Variants in ADGRB3 observed in about 807,000 individuals in gnomAD.
ADGRB3 encodes the protein brain-specific angiogenesis inhibitor 3.
In ADGRB3, 37 loss-of-function variants were observed where a neutral mutation model predicts 193.4. That is an observed-to-expected ratio of 0.19 (90% CI 0.15 to 0.25). ADGRB3 has a LOEUF of 0.25. Ranked by LOEUF, ADGRB3 falls within the 10% of genes least tolerant of loss-of-function variation. The pLI is 1.00. For synonymous variants in ADGRB3, 690 were observed against 644.2 expected, an observed-to-expected ratio of 1.07 and a Z score of -1.08; for missense variants, 1,637 against 1,852.9, an observed-to-expected ratio of 0.88 and a Z score of 2.14.
chr6:69,184,237 C>A (rs922735211), intron 17 of ADGRB3, among the ~76,000 whole-genome samples: 1 of 151,980 alleles, frequency 6.6e-6, no homozygotes, highest in Admixed American at 6.6e-5. Context: ...AAAAGTGTCC[C>A]CATCAGCTGG....
At chr6:69,005,916 A>G (rs1298683345) in intron 11 of ADGRB3, among the ~76,000 whole-genome samples, 1 of 152,172 alleles carries the variant, frequency 6.6e-6, no homozygotes, top group Non-Finnish European at 1.5e-5. Context: ...GTATTATAAT[A>G]TTCTGCCTTT....
intron 17 of ADGRB3, among the ~76,000 whole-genome samples, chr6:69,182,832 A>G (rs779488): frequency 0.36 from 54,884 of 151,924 alleles, 11,410 homozygotes; most frequent in African/African-American, 0.57. Flanking sequence ...GGCTATCATC[A>G]TAACATTGCT....
rs142757462 is a variant in ADGRB3 at position 68,880,086 on chromosome 6, G to A, written c.758-50473G>A. Among the ~76,000 whole-genome samples the A allele has an allele frequency of 1.9e-3, 289 of 152,238 alleles. 1 individual carries two copies. The highest frequency in any genetic ancestry group is 6.8e-3 in the Middle Eastern group (2 of 294). ...AGCGAGACATGGTCAGATTGCTTGC[G>A]AATTGTTTAAAGTGGAGAGATTACT... is the stretch of plus-strand genomic sequence containing the variant. On this transcript the variant is annotated intron_variant, in intron 3 of 31. Coordinates refer to ENST00000370598, the MANE Select transcript of ADGRB3 (RefSeq NM_001704.3).
intron 20 of ADGRB3, among the ~76,000 whole-genome samples, chr6:69,249,775 A>G (rs1371252820): frequency 6.6e-6 from 1 of 152,224 alleles, no homozygotes; most frequent in Middle Eastern, 3.2e-3. Flanking sequence ...AAAAAAAATA[A>G]GCAGATTAAA....
chr6:68,740,885 G>C (rs1221661104), intron 3 of ADGRB3, among the ~76,000 whole-genome samples: 2 of 152,134 alleles, frequency 1.3e-5, no homozygotes, highest in African/African-American at 4.8e-5. Flanking sequence ...CTGGAACATA[G>C]TTAAGTGTTG....
intron 16 of ADGRB3, among the ~76,000 whole-genome samples, chr6:69,064,793 G>T (rs1771852392): frequency 6.6e-6 from 1 of 151,948 alleles, no homozygotes; most frequent in Non-Finnish European, 1.5e-5. Flanking sequence ...TAAAGGACAT[G>T]TTAAAGGAAG....
chr6:68,891,878 G>A (rs187905636), intron 3 of ADGRB3, among the ~76,000 whole-genome samples: 460 of 152,256 alleles, frequency 3.0e-3, no homozygotes, highest in Non-Finnish European at 4.7e-3. Flanking sequence ...CCAGCTGGTA[G>A]TTACTGCAGA....
chr6:69,314,792 G>A (rs1410647725), intron 20 of ADGRB3, among the ~76,000 whole-genome samples: 17 of 151,484 alleles, frequency 1.1e-4, no homozygotes, highest in Non-Finnish European at 5.9e-5. Context: ...GAGGTTAGGT[G>A]AAGTGATAAT....
At chr6:68,909,473 A>G (rs1766639084) in intron 3 of ADGRB3, among the ~76,000 whole-genome samples, 1 of 152,198 alleles carries the variant, frequency 6.6e-6, no homozygotes, top group African/African-American at 2.4e-5. Flanking sequence ...AAGAAATAAA[A>G]AGGTTTATTC....
chr6:68,655,173 A>G (rs1768462189), intron 3 of ADGRB3, among the ~76,000 whole-genome samples: 1 of 151,298 alleles, frequency 6.6e-6, no homozygotes, highest in East Asian at 1.9e-4. Context: ...ATGTAAAACA[A>G]AGATTGTTGT....
At chr6:69,341,977 A>C (rs1201122639) in intron 26 of ADGRB3, among the ~76,000 whole-genome samples, 3 of 152,144 alleles carry the variant, frequency 2.0e-5, no homozygotes, top group Non-Finnish European at 2.9e-5. Flanking sequence ...TCATCAAAAT[A>C]TGCAGGTTTT....
intron 3 of ADGRB3, among the ~76,000 whole-genome samples, chr6:68,750,926 G>C (rs566014176): frequency 6.6e-6 from 1 of 152,242 alleles, no homozygotes; most frequent in Non-Finnish European, 1.5e-5. Context: ...ATGTATATCT[G>C]GGAGTCCCAA....
intron 17 of ADGRB3, among the ~76,000 whole-genome samples, chr6:69,095,052 C>G (rs1772834325): frequency 6.6e-6 from 1 of 152,168 alleles, no homozygotes; most frequent in Non-Finnish European, 1.5e-5. Context: ...CAATTTGAAT[C>G]CCTCTTGAGT....
chr6:69,168,224 A>G (rs985228032), intron 17 of ADGRB3, among the ~76,000 whole-genome samples: 2 of 152,174 alleles, frequency 1.3e-5, no homozygotes, highest in Non-Finnish European at 1.5e-5. Flanking sequence ...AACGTACAGT[A>G]TATCACCAAG....
intron 15 of ADGRB3, among the ~76,000 whole-genome samples, chr6:69,052,036 G>A (rs949357623): frequency 6.6e-5 from 10 of 152,118 alleles, no homozygotes; most frequent in South Asian, 2.1e-4. Context: ...GACTTCAGGC[G>A]CCCACCACCA....
intron 10 of ADGRB3, among the ~76,000 whole-genome samples, chr6:68,990,054 A>G (rs1769189515): frequency 6.6e-6 from 1 of 152,186 alleles, no homozygotes; most frequent in Admixed American, 6.5e-5. Context: ...GGAGAAGTAG[A>G]ATGCAAATAA....
chr6:69,114,988 C>A (rs1428043200), intron 17 of ADGRB3, among the ~76,000 whole-genome samples: 1 of 152,188 alleles, frequency 6.6e-6, no homozygotes, highest in East Asian at 1.9e-4. Flanking sequence ...CGCTTTTACA[C>A]TGTTGGTGGG....
chr6:68,655,991 A>G (rs903269320), intron 3 of ADGRB3, among the ~76,000 whole-genome samples: 4 of 151,658 alleles, frequency 2.6e-5, no homozygotes, highest in South Asian at 2.1e-4. Flanking sequence ...ATTTTTTCCT[A>G]AGGATTGGTA....
intron 20 of ADGRB3, among the ~76,000 whole-genome samples, chr6:69,266,754 T>C (rs189796567): frequency 2.5e-4 from 38 of 152,076 alleles, no homozygotes; most frequent in African/African-American, 8.7e-4. Context: ...GAAAATGATG[T>C]TTATTTGGAG....
Sources: allele counts gnomAD v4.1 joint callset (sites outside exome capture counted in the v4.1 genomes callset), GRCh38; gene constraint gnomAD v4.1.1; transcripts MANE v1.5; gene names NCBI Gene and HGNC (gene_info 2026-07-23, HGNC 2026-07-21).